Variants in EHBP1 observed in about 807,000 individuals in gnomAD.
The protein encoded by EHBP1 is EH domain-binding protein 1.
A neutral mutation model predicts 144.0 loss-of-function variants in EHBP1; 55 were observed. The ratio of observed to expected loss-of-function variants is 0.38; its 90% CI spans 0.31 to 0.48. The LOEUF (loss-of-function observed/expected upper bound fraction) is 0.48, where lower values mean the gene tolerates loss of function less well. Ranked by LOEUF, EHBP1 falls within the 20% of genes least tolerant of loss-of-function variation. The pLI is 0.98. For missense variants in EHBP1, 1,200 were observed against 1,364.2 expected (o/e 0.88, Z 1.90); for synonymous variants, 469 against 472.7 (o/e 0.99, Z 0.10).
chr2:62,761,603 A>G (rs375157467), intron 3 of EHBP1, among the ~76,000 whole-genome samples: 96 of 152,224 alleles, frequency 6.3e-4, no homozygotes, highest in African/African-American at 1.4e-3. Flanking sequence ...CAGTTTTTCA[A>G]TCTGTTAAAT....
intron 1 of EHBP1, among the ~76,000 whole-genome samples, chr2:62,681,359 T>TATATATATATATATATATATATATAAAA (rs1553363754): frequency 1.3e-5 from 1 of 78,358 alleles, no homozygotes; most frequent in African/African-American, 5.3e-5. Context: ...TATATATATA[T>TATATATATATATATATATATATATAAAA]AATGTGTATA....
intron 2 of EHBP1, among the ~76,000 whole-genome samples, chr2:62,721,125 C>G (rs1263946436): frequency 2.0e-5 from 3 of 152,188 alleles, no homozygotes; most frequent in Non-Finnish European, 4.4e-5. Context: ...CATATCTCCT[C>G]TAATCTGTAA....
chr2:62,813,575 G>A (rs2045210399), intron 5 of EHBP1, among the ~76,000 whole-genome samples: 1 of 152,198 alleles, frequency 6.6e-6, no homozygotes, highest in Non-Finnish European at 1.5e-5. Context: ...TGGGAAAGCT[G>A]CAGGCGTGAA....
chr2:62,848,270 A>T (rs1212503011), intron 7 of EHBP1, among the ~76,000 whole-genome samples: 1 of 151,634 alleles, frequency 6.6e-6, no homozygotes, highest in Non-Finnish European at 1.5e-5. Context: ...TTTATTAGAG[A>T]TGGGGTTTCA....
intron 19 of EHBP1, among the ~76,000 whole-genome samples, chr2:63,001,919 A>G (rs1056636057): frequency 2.0e-5 from 3 of 152,184 alleles, no homozygotes; most frequent in Non-Finnish European, 4.4e-5. Context: ...TATAATTAGT[A>G]AGTCAGAAGA....
At chr2:62,830,426 C>T (rs2046747193) in intron 6 of EHBP1, among the ~76,000 whole-genome samples, 1 of 152,060 alleles carries the variant, frequency 6.6e-6, no homozygotes, top group Non-Finnish European at 1.5e-5. Flanking sequence ...AGCCACCATG[C>T]CCGGCACATA....
At chr2:62,811,961 G>C (rs924863534) in intron 5 of EHBP1, among the ~76,000 whole-genome samples, 10 of 152,146 alleles carry the variant, frequency 6.6e-5, no homozygotes, top group African/African-American at 2.4e-4. Flanking sequence ...GTGTTGAGAG[G>C]TGGGACCTTT....
At chr2:62,846,075 G>C (rs1056492205) in intron 7 of EHBP1, among the ~76,000 whole-genome samples, 2 of 152,170 alleles carry the variant, frequency 1.3e-5, no homozygotes, top group African/African-American at 4.8e-5. Flanking sequence ...TCAGAGAATA[G>C]TAACAGTAGC....
chr2:62,740,666 T>G (rs1269140798), intron 2 of EHBP1, among the ~76,000 whole-genome samples: 1 of 152,106 alleles, frequency 6.6e-6, no homozygotes, highest in East Asian at 1.9e-4. Flanking sequence ...TTTTGAGCTC[T>G]TTTTTTCTTA....
chr2:63,035,713 T>C (rs1421682866), intron 19 of EHBP1, among the ~76,000 whole-genome samples: 1 of 152,058 alleles, frequency 6.6e-6, no homozygotes, highest in African/African-American at 2.4e-5. Flanking sequence ...CCTATTAATA[T>C]TGCACACATG....
chr2:62,820,738 A>T (rs1167756236), intron 5 of EHBP1, among the ~76,000 whole-genome samples: 3 of 2,732 alleles, frequency 1.1e-3, no homozygotes, highest in African/African-American at 2.3e-3. Context: ...TGTGTGTATA[A>T]TATATATATA....
intron 11 of EHBP1, among the ~76,000 whole-genome samples, chr2:62,943,222 C>G (rs983565986): frequency 1.8e-4 from 27 of 151,784 alleles, no homozygotes; most frequent in Non-Finnish European, 3.2e-4. Flanking sequence ...ACTAAAAATA[C>G]AAAATTAGCC....
At chr2:62,722,595 A>G (rs1558549531) in intron 2 of EHBP1, among the ~76,000 whole-genome samples, 1 of 152,360 alleles carries the variant, frequency 6.6e-6, no homozygotes, top group African/African-American at 2.4e-5. Context: ...TCCCTAGACC[A>G]GGATCTAATC....
intron 19 of EHBP1, among the ~76,000 whole-genome samples, chr2:63,000,358 G>A (rs1203101756): frequency 1.3e-5 from 2 of 151,918 alleles, no homozygotes; most frequent in Admixed American, 6.6e-5. Context: ...ATACTGAGCA[G>A]CCATGCTGTG....
At chr2:62,796,500 T>G (rs1227575076) in intron 5 of EHBP1, among the ~76,000 whole-genome samples, 2 of 152,200 alleles carry the variant, frequency 1.3e-5, no homozygotes, top group East Asian at 3.8e-4. Context: ...ACCATATACA[T>G]GGATACTTTT....
chr2:62,887,323 G>C (rs1272373313), intron 10 of EHBP1, among the ~76,000 whole-genome samples: 1 of 152,178 alleles, frequency 6.6e-6, no homozygotes, highest in African/African-American at 2.4e-5. Context: ...TTAGGGGTCA[G>C]TTAGCAGGCT....
intron 4 of EHBP1, among the ~76,000 whole-genome samples, chr2:62,767,325 T>C (rs1231839703): frequency 1.3e-5 from 2 of 152,120 alleles, no homozygotes; most frequent in African/African-American, 4.8e-5. Context: ...GATAGTGATA[T>C]GCATCAACAA....
chr2:63,019,605 G>T (rs1317216717), intron 19 of EHBP1, among the ~76,000 whole-genome samples: 1 of 151,914 alleles, frequency 6.6e-6, no homozygotes, highest in Non-Finnish European at 1.5e-5. Flanking sequence ...TACTCGGGAG[G>T]CTGAGGCAGA....
At chr2:62,988,178 C>T (rs1322879515) in intron 15 of EHBP1, 1 of 553,154 alleles carries the variant, frequency 1.8e-6, no homozygotes, top group African/African-American at 2.0e-5. Context: ...GCTTAGTCCA[C>T]CTTCCATCAA....
Sources: gnomAD v4.1 joint callset for allele counts (sites outside exome capture counted in the v4.1 genomes callset) on GRCh38, gnomAD v4.1.1 for gene constraint, MANE v1.5 for transcripts, NCBI Gene and HGNC (gene_info 2026-07-23, HGNC 2026-07-21) for gene names.